The following NHS variants were observed in gnomAD, a reference collection of about 807,000 sequenced individuals.
The protein encoded by NHS is actin remodeling regulator NHS.
Under a neutral mutation model 72.5 loss-of-function variants are expected in NHS, and 5 were observed. The ratio of observed to expected loss-of-function variants is 0.07; its 90% confidence interval spans 0.04 to 0.14. NHS has a LOEUF of 0.14. Ranked by LOEUF, NHS falls within the 10% of genes least tolerant of loss-of-function variation. NHS has a pLI of 1.00. For missense variants in NHS, 1,072 were observed against 1,355.7 expected, an observed-to-expected ratio of 0.79 and a Z score of 3.29; for synonymous variants, 464 against 547.7, an observed-to-expected ratio of 0.85 and a Z score of 2.13.
At chrX:17,557,581 C>G (rs2065386187) in intron 1 of NHS, among the ~76,000 whole-genome samples, 2 of 110,964 alleles carry the variant, frequency 1.8e-5, no homozygotes. Context: ...CAGCTTAAAA[C>G]AACACATATT....
chrX:17,417,957 C>T (rs1039255384), intron 1 of NHS, among the ~76,000 whole-genome samples: 4 of 111,835 alleles, frequency 3.6e-5, no homozygotes, highest in African/African-American at 1.3e-4. Context: ...TTGGAGATGC[C>T]TCATTTTAAG....
chrX:17,382,275 T>C (rs2064382145), intron 1 of NHS, among the ~76,000 whole-genome samples: 1 of 111,908 alleles, frequency 8.9e-6, no homozygotes, highest in Admixed American at 9.5e-5. Flanking sequence ...GTCTTACAGA[T>C]GTCTTTTATG....
intron 3 of NHS, among the ~76,000 whole-genome samples, chrX:17,698,161 A>G (rs1053255169): frequency 7.2e-5 from 8 of 111,795 alleles, no homozygotes; most frequent in African/African-American, 2.6e-4. Context: ...CTATACATTA[A>G]ACACACACAA....
chrX:17,679,856 GA>G (rs1234393068), intron 1 of NHS, among the ~76,000 whole-genome samples: 6 of 78,943 alleles, frequency 7.6e-5, no homozygotes, highest in Non-Finnish European at 1.1e-4. Flanking sequence ...CCAGAATGAA[GA>G]AAGGGGGGGG....
intron 1 of NHS, among the ~76,000 whole-genome samples, chrX:17,673,518 A>G (rs2066062108): frequency 9.0e-6 from 1 of 111,556 alleles, no homozygotes; most frequent in African/African-American, 3.3e-5. Context: ...AGTAAGTTGG[A>G]GATAATGAAA....
chrX:17,728,559 G>GTTTC (rs2066466529), intron 7 of NHS, 90 bp from the exon 8 acceptor site: 1 of 1,090,502 alleles, frequency 9.2e-7, no homozygotes, highest in African/African-American at 1.8e-5. Context: ...CTGTTTGTTT[G>GTTTC]TTTGTTTGTT....
intron 1 of NHS, among the ~76,000 whole-genome samples, chrX:17,569,127 C>T (rs1325442029): frequency 1.8e-5 from 2 of 111,588 alleles, no homozygotes; most frequent in Non-Finnish European, 3.8e-5. Flanking sequence ...AATAAACATA[C>T]GTGTGCATGT....
intron 1 of NHS, among the ~76,000 whole-genome samples, chrX:17,621,371 A>G (rs1405799037): frequency 1.8e-5 from 2 of 112,024 alleles, no homozygotes; most frequent in African/African-American, 6.5e-5. Flanking sequence ...GGTACCCATG[A>G]CATTGCCTAC....
intron 1 of NHS, among the ~76,000 whole-genome samples, chrX:17,389,353 T>A (rs1161153271): frequency 8.9e-6 from 1 of 111,754 alleles, no homozygotes; most frequent in Non-Finnish European, 1.9e-5. Context: ...CAGAAGAAGA[T>A]AATTCCATGG....
At chrX:17,433,988 G>A (rs1201971982) in intron 1 of NHS, among the ~76,000 whole-genome samples, 4 of 112,056 alleles carry the variant, frequency 3.6e-5, no homozygotes, top group Non-Finnish European at 7.5e-5. Context: ...GCTACATATG[G>A]TCACTCAAGA....
At chrX:17,639,525 C>A (rs891327388) in intron 1 of NHS, among the ~76,000 whole-genome samples, 1 of 110,879 alleles carries the variant, frequency 9.0e-6, no homozygotes, top group South Asian at 3.9e-4. Context: ...GGGGTTGCAC[C>A]GAGAGCCAAA....
chrX:17,543,213 G>A (rs934717251), intron 1 of NHS, among the ~76,000 whole-genome samples: 5 of 111,750 alleles, frequency 4.5e-5, no homozygotes, highest in East Asian at 2.8e-4. Context: ...GGCAGCATTG[G>A]TATAAGCCAC....
At position 17,573,509 on chromosome X, in the gene NHS, A is replaced by C. The variant is rs773037478; in HGVS notation, c.566-114233A>C. 1.3e-4 allele frequency among the ~76,000 whole-genome samples: 14 copies of C among 109,256 alleles called. No individual in the cohort carries two copies. In the Admixed American group the frequency reaches 1.4e-3, roughly 11 times the overall value. 94.9% of individuals were successfully genotyped at this position (109,256 alleles called of 115,157 possible). A position where few individuals can be genotyped will look rare whatever the true frequency, so the allele number is the denominator to read the frequency against. On this transcript the variant is annotated intron_variant, in intron 1 of 8. Transcript: ENST00000676302. Reference sequence around the variant, plus strand: ...TATGTATGCTTCACGAAGTTCTCGTAATGTGGTTTTCAGCTCCATCAGATC... The same window carrying C: ...TATGTATGCTTCACGAAGTTCTCGTCATGTGGTTTTCAGCTCCATCAGATC...
chrX:17,447,263 C>G (rs891781137), intron 1 of NHS, among the ~76,000 whole-genome samples: 1 of 112,282 alleles, frequency 8.9e-6, no homozygotes, highest in African/African-American at 3.2e-5. Flanking sequence ...TGAATTTTCT[C>G]TTTCCCATCT....
At chrX:17,415,314 T>C (rs992527027) in intron 1 of NHS, among the ~76,000 whole-genome samples, 3 of 111,414 alleles carry the variant, frequency 2.7e-5, no homozygotes, top group Non-Finnish European at 5.7e-5. Context: ...TCCTCTCTCC[T>C]CTGTGTTCCC....
chrX:17,508,962 A>G (rs979531396), intron 1 of NHS, among the ~76,000 whole-genome samples: 2 of 111,716 alleles, frequency 1.8e-5, no homozygotes, highest in Non-Finnish European at 3.8e-5. Context: ...TGGAGATAGG[A>G]TTCAAACCCA....
At chrX:17,590,831 A>C (rs955390164) in intron 1 of NHS, among the ~76,000 whole-genome samples, 10 of 111,908 alleles carry the variant, frequency 8.9e-5, no homozygotes, top group Admixed American at 8.5e-4. Flanking sequence ...ACACACACAT[A>C]CAAAGAAAAA....
Position 17,437,229 on chromosome X carries a change from G to A in NHS, c.565+60907G>A, listed in dbSNP as rs140253985. ...TTTTTTAAGTACCATAGGTTCAAGA[G>A]TTCTTGTTGCCCTCCCCTCCTGGTG... On this transcript the variant is annotated intron_variant, in intron 1 of 8. Coordinates refer to ENST00000676302, the MANE Select transcript of NHS (RefSeq NM_001291867.2). Among the ~76,000 whole-genome samples, 430 of 111,640 alleles carry A rather than the reference G, an allele frequency of 3.9e-3. 1 individual carries two copies. The highest frequency in any genetic ancestry group is 6.4e-3 in the Non-Finnish European group (340 of 53,108).
At chrX:17,656,374 A>T (rs984215682) in intron 1 of NHS, among the ~76,000 whole-genome samples, 2 of 113,187 alleles carry the variant, frequency 1.8e-5, no homozygotes, top group Non-Finnish European at 3.8e-5. Context: ...GGTGTGTGAG[A>T]TGGGACCAGC....
Sources: allele counts gnomAD v4.1 joint callset (sites outside exome capture counted in the v4.1 genomes callset), GRCh38; gene constraint gnomAD v4.1.1; transcripts MANE v1.5; gene names NCBI Gene and HGNC (gene_info 2026-07-23, HGNC 2026-07-21).